LIMA1: variants seen among roughly 807,000 people sequenced by gnomAD.
The protein encoded by LIMA1 is LIM domain and actin-binding protein 1.
LIMA1 carries 52 observed loss-of-function variants against 62.6 expected under a neutral mutation model. The ratio of observed to expected loss-of-function variants is 0.83; its 90% CI spans 0.67 to 1.05. The LOEUF (loss-of-function observed/expected upper bound fraction) is 1.05. Among genes scored for constraint, LIMA1 ranks in the 50% least tolerant of loss-of-function variants. The probability of loss-of-function intolerance (pLI) is 0.00; values close to 1 mark genes in which losing one functional copy is unlikely to be tolerated. For missense variants in LIMA1, 780 were observed against 902.2 expected (o/e 0.86, Z 1.74); for synonymous variants, 302 against 317.8 (o/e 0.95, Z 0.53).
chr12:50,258,668 A>C (rs1442933142), intron 1 of LIMA1, among the ~76,000 whole-genome samples: 30 of 90,544 alleles, frequency 3.3e-4, no homozygotes, highest in Admixed American at 1.4e-3. Flanking sequence ...TTTTTTTCTG[A>C]GATGGAGTCT....
At chr12:50,218,904 A>G (rs73106171) in intron 4 of LIMA1, among the ~76,000 whole-genome samples, 3 of 135,902 alleles carry the variant, frequency 2.2e-5, no homozygotes, top group African/African-American at 8.6e-5. Flanking sequence ...ATAAAAAAAA[A>G]AAAAACAAAA....
Position 50,192,731 on chromosome 12 carries a change from C to G in LIMA1, c.1031-170G>C, listed in dbSNP as rs905692856. Among the ~76,000 whole-genome samples, 162 of 152,190 alleles carry G rather than the reference C, an allele frequency of 1.1e-3. 1 individual carries two copies. The highest frequency in any genetic ancestry group is 2.1e-4 in the Non-Finnish European group (14 of 68,034). On this transcript the variant is annotated intron_variant, in intron 8 of 10. Transcript: ENST00000341247. ...TATTCGAACACTAACAACTATGGCT[C>G]AGGTATTCTCTGGTCCTGTCAGAAA...
intron 3 of LIMA1, chr12:50,229,666 A>C (rs1345676770): frequency 6.6e-6 from 1 of 152,210 alleles, no homozygotes; most frequent in Non-Finnish European, 1.5e-5. Context: ...CATGTTGTGC[A>C]CATGTACCCT....
intron 4 of LIMA1, among the ~76,000 whole-genome samples, chr12:50,208,496 A>T (rs1941194806): frequency 6.6e-6 from 1 of 151,714 alleles, no homozygotes; most frequent in Admixed American, 6.6e-5. Flanking sequence ...AAAAAAAACC[A>T]AAAGTTAGCT....
chr12:50,205,073 T>C (rs901741608), intron 5 of LIMA1, among the ~76,000 whole-genome samples: 60 of 151,800 alleles, frequency 4.0e-4, no homozygotes, highest in African/African-American at 1.4e-3. Context: ...TAATTGAGGA[T>C]TGCATATTTT....
chr12:50,197,806 T>C (rs1215507524), intron 7 of LIMA1, among the ~76,000 whole-genome samples: 2 of 93,050 alleles, frequency 2.1e-5, no homozygotes, highest in African/African-American at 1.4e-4. Flanking sequence ...AAAATTTCTT[T>C]CTTTCTTTTT....
At chr12:50,216,574 T>C (rs138769328) in intron 4 of LIMA1, among the ~76,000 whole-genome samples, 345 of 152,080 alleles carry the variant, frequency 2.3e-3, no homozygotes, top group African/African-American at 7.7e-3. Flanking sequence ...CATTCACTCA[T>C]AGGAAGTAGA....
chr12:50,179,014 C>T (rs1164461540), intron 10 of LIMA1, among the ~76,000 whole-genome samples: 3 of 149,894 alleles, frequency 2.0e-5, no homozygotes, highest in African/African-American at 7.4e-5. Context: ...CTCGCTCTGT[C>T]GCCCAGGCTG....
chr12:50,222,445 A>G lies in LIMA1; in HGVS notation c.206T>C (p.Leu69Pro). 1 of 1,614,158 alleles carries G rather than the reference A, an allele frequency of 6.2e-7. No homozygotes were observed. Among genetic ancestry groups the G allele is most frequent in the Non-Finnish European group, 8.5e-7 (1 of 1,180,016 alleles). Reference sequence around the variant, plus strand: ...CTCCCACTTCTTCTTTAACACAGTCAGGGTCCCCTTTCTAAAGTGCTGGGA... The same window carrying G: ...CTCCCACTTCTTCTTTAACACAGTCGGGGTCCCCTTTCTAAAGTGCTGGGA... ...NLSQHFRKGT[L>P]TVLKKKWENP... Residue 69 changes from leucine (L) to proline (P), a missense_variant, in exon 4 of 11, where the codon CTG (leucine) becomes CCG (proline). Leu to Pro is a moderately conservative substitution (Grantham distance 98). Transcript: ENST00000341247.
At chr12:50,200,355 C>A (rs1346626800) in intron 7 of LIMA1, among the ~76,000 whole-genome samples, 1 of 152,016 alleles carries the variant, frequency 6.6e-6, no homozygotes, top group Non-Finnish European at 1.5e-5. Context: ...AGGCATGCAC[C>A]CCCACACCCG....
chr12:50,177,611 A>G lies in LIMA1; in HGVS notation c.1733T>C (p.Leu578Pro), dbSNP rs1444792415. The stretch of plus-strand genomic sequence containing the variant: ...TTCCTTCAGTGAAGAAGATCGTCTT[A>G]GCTTCTTCAGATCTAGATCGACATC... ...PEDVDLDLKK[L>P]RRSSSLKERS... Residue 578 changes from leucine to proline, a missense_variant, in exon 11 of 11, where the codon CTA (leucine) becomes CCA (proline). Transcript: ENST00000341247. The G allele has an allele frequency of 6.2e-7, 1 of 1,611,270 alleles. No homozygotes were observed. The highest frequency in any genetic ancestry group is 8.5e-7 in the Non-Finnish European group (1 of 1,178,826).
chr12:50,260,930 CAA>C (rs34256869), intron 1 of LIMA1, among the ~76,000 whole-genome samples: 4,547 of 76,238 alleles, frequency 0.06, 284 homozygotes, highest in African/African-American at 0.2. Flanking sequence ...TAACTTGCCC[CAA>C]AAAAAAAAAA....
intron 4 of LIMA1, among the ~76,000 whole-genome samples, chr12:50,208,563 T>C (rs937097866): frequency 6.6e-6 from 1 of 152,008 alleles, no homozygotes; most frequent in Non-Finnish European, 1.5e-5. Flanking sequence ...AGTAGGAAAA[T>C]TGCTTGAGCC....
chr12:50,202,725 T>C (rs967583783), intron 6 of LIMA1, among the ~76,000 whole-genome samples: 2 of 152,182 alleles, frequency 1.3e-5, no homozygotes, highest in African/African-American at 4.8e-5. Context: ...CAAATATTAT[T>C]AGAGAATGTA....
rs1941971164 is a variant in LIMA1, at chr12:50,254,716, T to C, written c.-23-5942A>G. On this transcript the variant is annotated intron_variant, in intron 1 of 10. Transcript: ENST00000341247. ...GCTCCAAGAAACCTATTCTAATAAA[T>C]TCATTTACAGACTCTCCTGACCAAG... Among the ~76,000 whole-genome samples, 3 of 152,098 alleles carry C rather than the reference T, an allele frequency of 2.0e-5. No individual in the cohort carries two copies. The South Asian group carries it at 6.2e-4, about 32-fold the overall frequency.
chr12:50,260,502 C>A (rs191025727), intron 1 of LIMA1, among the ~76,000 whole-genome samples: 1 of 152,212 alleles, frequency 6.6e-6, no homozygotes, highest in Admixed American at 6.5e-5. Flanking sequence ...CAATATGCAA[C>A]GTAACATAAC....
chr12:50,282,359 G>A (rs1276319176), intron 1 of LIMA1, among the ~76,000 whole-genome samples: 2 of 152,104 alleles, frequency 1.3e-5, no homozygotes, highest in Non-Finnish European at 2.9e-5. Context: ...TTTAAATCAA[G>A]AGCAAAAGAA....
intron 3 of LIMA1, among the ~76,000 whole-genome samples, chr12:50,223,251 G>A (rs1356956719): frequency 1.3e-5 from 2 of 151,906 alleles, no homozygotes; most frequent in African/African-American, 4.8e-5. Flanking sequence ...TTGGGAGGCC[G>A]AGGCCGGCGG....
At chr12:50,182,956 CA>C in intron 9 of LIMA1, among the ~76,000 whole-genome samples, 1 of 152,190 alleles carries the variant, frequency 6.6e-6, no homozygotes, top group Non-Finnish European at 1.5e-5. Flanking sequence ...GTAATCCCAG[CA>C]CTTTAGGAGG....
Sources: gnomAD v4.1 joint callset for allele counts (sites outside exome capture counted in the v4.1 genomes callset) on GRCh38, gnomAD v4.1.1 for gene constraint, MANE v1.5 for transcripts, NCBI Gene and HGNC (gene_info 2026-07-23, HGNC 2026-07-21) for gene names.